The following SEMA5B variants were observed in gnomAD, a reference collection of about 807,000 sequenced individuals.
SEMA5B encodes the protein semaphorin 5B.
SEMA5B carries 66 observed loss-of-function variants against 135.0 expected under a neutral mutation model. That is an observed-to-expected ratio of 0.49 (90% confidence interval 0.40 to 0.60). SEMA5B has a LOEUF of 0.60. SEMA5B is among the 20% of genes least tolerant of loss of function. The probability of loss-of-function intolerance (pLI) is 0.00; values close to 1 mark genes in which losing one functional copy is unlikely to be tolerated. For synonymous variants in SEMA5B, 690 were observed against 639.5 expected (o/e 1.08, Z -1.19); for missense variants, 1,501 against 1,566.3 (o/e 0.96, Z 0.70).
chr3:122,925,208 A>G (rs1372728978), intron 9 of SEMA5B, among the ~76,000 whole-genome samples: 1 of 151,772 alleles, frequency 6.6e-6, no homozygotes, highest in East Asian at 1.9e-4. Context: ...TGGTGTTCCT[A>G]CAAAGCACAC....
chr3:123,025,350 C>T (rs1198705351), intron 1 of SEMA5B, among the ~76,000 whole-genome samples: 1 of 152,176 alleles, frequency 6.6e-6, no homozygotes, highest in East Asian at 1.9e-4. Flanking sequence ...ACTGCATGTT[C>T]CTCTCCATGT....
rs369049996 is a variant in SEMA5B at position 122,910,874 on chromosome 3, G to C, written c.3263C>G (p.Pro1088Arg). ...NHLHYKGGGTPKNEKYTPMEF... is the reference protein window; with the variant it reads ...NHLHYKGGGTRKNEKYTPMEF... ...CATGGGTGTGTACTTTTCATTCTTC[G>C]GGGTGCCTCCGCCCTTGTAGTGCAA... Residue 1088 changes from proline (P) to arginine (R), a missense_variant, in exon 22 of 23, where the codon CCG becomes CGG. Pro to Arg is a moderately radical substitution (Grantham distance 103). Coordinates refer to ENST00000357599, the MANE Select transcript of SEMA5B (RefSeq NM_001031702.4). 6 of 1,613,020 alleles carry C rather than the reference G, an allele frequency of 3.7e-6. No individual in the cohort carries two copies. The highest frequency in any genetic ancestry group is 1.7e-5 in the Admixed American group (1 of 60,012).
chr3:122,971,691 T>C (rs548598607), intron 1 of SEMA5B, among the ~76,000 whole-genome samples: 2 of 152,380 alleles, frequency 1.3e-5, no homozygotes, highest in Non-Finnish European at 2.9e-5. Flanking sequence ...TATTGCTGCA[T>C]GGGTGCTGGT....
chr3:122,969,686 C>A (rs1941029791), intron 1 of SEMA5B, among the ~76,000 whole-genome samples: 1 of 152,212 alleles, frequency 6.6e-6, no homozygotes, highest in African/African-American at 2.4e-5. Context: ...CCACTCACTG[C>A]TGCGGGTGTT....
At chr3:122,946,068 G>A (rs1939780903) in intron 3 of SEMA5B, among the ~76,000 whole-genome samples, 1 of 152,220 alleles carries the variant, frequency 6.6e-6, no homozygotes, top group South Asian at 2.1e-4. Context: ...TCTGTGTGCG[G>A]CAAAGGCTTT....
intron 1 of SEMA5B, among the ~76,000 whole-genome samples, chr3:122,968,607 G>A (rs1940975333): frequency 6.6e-6 from 1 of 152,086 alleles, no homozygotes. Flanking sequence ...GAAATGAAAG[G>A]GCAGTGGAAA....
chr3:122,960,355 T>C (rs1183622164), intron 2 of SEMA5B, among the ~76,000 whole-genome samples: 2 of 152,168 alleles, frequency 1.3e-5, no homozygotes, highest in East Asian at 3.9e-4. Context: ...TACTTGAAAA[T>C]AGTTAAAATG....
chr3:123,001,765 C>T (rs1012110650), intron 1 of SEMA5B, among the ~76,000 whole-genome samples: 9 of 152,150 alleles, frequency 5.9e-5, no homozygotes, highest in African/African-American at 1.9e-4. Context: ...GCAGGAGAAG[C>T]GAGCACAGGG....
intron 2 of SEMA5B, among the ~76,000 whole-genome samples, chr3:122,959,030 C>T (rs1940463171): frequency 6.6e-6 from 1 of 152,196 alleles, no homozygotes; most frequent in Non-Finnish European, 1.5e-5. Context: ...ACACAGATTA[C>T]ATGGTTCAGC....
intron 1 of SEMA5B, among the ~76,000 whole-genome samples, chr3:122,991,113 T>G (rs1247633144): frequency 2.0e-5 from 3 of 152,160 alleles, no homozygotes; most frequent in African/African-American, 7.2e-5. Context: ...GACTTCACAC[T>G]GCACAGATGG....
chr3:123,002,681 T>G (rs971642481), intron 1 of SEMA5B, among the ~76,000 whole-genome samples: 4 of 152,196 alleles, frequency 2.6e-5, no homozygotes, highest in African/African-American at 9.7e-5. Flanking sequence ...CATTGATCAT[T>G]ATAAGTCATT....
At chr3:122,978,673 C>T (rs1002084684) in intron 1 of SEMA5B, among the ~76,000 whole-genome samples, 1 of 152,070 alleles carries the variant, frequency 6.6e-6, no homozygotes, top group South Asian at 2.1e-4. Flanking sequence ...CAGACCCCTC[C>T]GCTGGGCAGC....
chr3:122,916,009 T>C, intron 12 of SEMA5B, 119 bp from the exon 13 acceptor site: 3 of 741,352 alleles, frequency 4.0e-6, no homozygotes, highest in Non-Finnish European at 4.7e-6. Flanking sequence ...TCCTCCATGA[T>C]AATAATGAAG....
chr3:122,935,518 T>C (rs541606484), intron 5 of SEMA5B, among the ~76,000 whole-genome samples: 86 of 152,144 alleles, frequency 5.7e-4, no homozygotes, highest in Admixed American at 1.2e-3. Flanking sequence ...AACCCTTTAA[T>C]TTAGAGAATG....
chr3:122,926,639 C>A lies in SEMA5B; in HGVS notation c.889G>T (p.Ala297Ser), dbSNP rs761195065. ...GCGTTCTCCCGCAGGAAGAAGTATG[C>A]AAACAGCCCAATATCATAGGCTGCC... ...FVAAYDIGLFAYFFLRENAVE... is the reference protein window; with the variant it reads ...FVAAYDIGLFSYFFLRENAVE... The change falls in exon 9 of 23, where the codon GCA becomes TCA. Residue 297 changes from alanine (A) to serine (S), a missense_variant. Around this residue, in one of 2 missense-constraint regions of SEMA5B, gnomAD observed 574 missense variants for 684.7 expected, o/e 0.84. Coordinates refer to ENST00000357599, the MANE Select transcript of SEMA5B (RefSeq NM_001031702.4). 2 of 1,614,202 alleles carry A rather than the reference C, an allele frequency of 1.2e-6. No homozygotes were observed.
Position 122,922,355 on chromosome 3 carries a change from C to T in SEMA5B, c.1365G>A (p.Val455=). 3.1e-6 allele frequency: 5 copies of T among 1,613,416 alleles called. No individual in the cohort carries two copies. The highest frequency in any genetic ancestry group is 4.2e-6 in the Non-Finnish European group (5 of 1,179,760). The change falls in exon 11 of 23, where the codon GTG becomes GTA. Residue 455 remains valine, a synonymous_variant. Coordinates refer to ENST00000357599, the MANE Select transcript of SEMA5B (RefSeq NM_001031702.4). ...CACAGGGCTCGGGTGTCACCGGCTG[C>T]ACGGCCTCGCTCATCAGGAAGAGGC... is the stretch of plus-strand genomic sequence containing the variant. The part of the protein sequence containing the change: ...AQRLFLMSEA[V]QPVTPEPCVT...
At position 122,927,793 on chromosome 3, in the gene SEMA5B, T is replaced by G. The variant is rs765846400; in HGVS notation, c.847A>C (p.Asn283His). ...RTAQYNSKWL[N>H]EPNFVAAYDI... ...CCTGGCACTGGGGCCTCCTTACCAT[T>G]AAGCCACTTGGAGTTATATTGGGCA... Residue 283 changes from asparagine (N) to histidine (H), a missense_variant, in exon 8 of 23, where the codon AAT becomes CAT. This residue lies in a region of SEMA5B where 574 missense variants were observed against 684.7 expected (regional missense o/e 0.84). Transcript: ENST00000357599. The G allele has an allele frequency of 7.1e-7, 1 of 1,411,554 alleles. No individual in the cohort carries two copies. The highest frequency in any genetic ancestry group is 1.5e-5 in the African/African-American group (1 of 68,002). 87.4% of individuals were successfully genotyped at this position (1,411,554 alleles called of 1,614,324 possible).
Position 123,013,558 on chromosome 3 carries a change from C to T in SEMA5B, c.-39+13906G>A, listed in dbSNP as rs145695382. 6.8e-4 allele frequency among the ~76,000 whole-genome samples: 103 copies of T among 152,298 alleles called. 1 individual carries two copies. The highest frequency in any genetic ancestry group is 2.4e-3 in the African/African-American group (99 of 41,566). On this transcript the variant is annotated intron_variant, in intron 1 of 22. Coordinates refer to ENST00000357599, the MANE Select transcript of SEMA5B (RefSeq NM_001031702.4). The stretch of plus-strand genomic sequence containing the variant: ...GAGGAGAAATAATTTGCCCAAAGGC[C>T]ACTCTAACAGTAAATGGCAAAGCAG...
At position 122,911,550 on chromosome 3, in the gene SEMA5B, G is replaced by C; in HGVS notation, c.3047-15C>G. On this transcript the variant is annotated splice_polypyrimidine_tract_variant and intron_variant, in intron 20 of 22. Coordinates refer to ENST00000357599, the MANE Select transcript of SEMA5B (RefSeq NM_001031702.4). ...TGGCAGGATGACTGCAGGAAGACCAGTGGACAGGGTGTCAGGGGCGGAGAC... is the reference window on the plus strand; with the variant it reads ...TGGCAGGATGACTGCAGGAAGACCACTGGACAGGGTGTCAGGGGCGGAGAC... 2.5e-6 allele frequency: 4 copies of C among 1,607,720 alleles called. No individual in the cohort carries two copies. The highest frequency in any genetic ancestry group is 3.4e-6 in the Non-Finnish European group (4 of 1,178,078).
Sources: allele counts gnomAD v4.1 joint callset (sites outside exome capture counted in the v4.1 genomes callset), GRCh38; gene constraint gnomAD v4.1.1; regional missense constraint gnomAD v4.1.1; transcripts MANE v1.5; gene names NCBI Gene and HGNC (gene_info 2026-07-23, HGNC 2026-07-21).